NUDCD1: variants seen among roughly 807,000 people sequenced by gnomAD.
NUDCD1 encodes the protein nudC domain-containing protein 1.
NUDCD1 carries 60 observed loss-of-function variants against 67.8 expected under a neutral mutation model. That is an observed-to-expected ratio of 0.88 (90% CI 0.72 to 1.10). The LOEUF (loss-of-function observed/expected upper bound fraction) is 1.10. Among genes scored for constraint, NUDCD1 ranks in the 50% least tolerant of loss-of-function variants. The pLI is 0.00. For missense variants in NUDCD1, 643 were observed against 695.0 expected (o/e 0.93, Z 0.84); for synonymous variants, 244 against 230.8 (o/e 1.06, Z -0.52).
chr8:109,308,826 G>A (rs1224164475), intron 2 of NUDCD1, among the ~76,000 whole-genome samples: 2 of 151,820 alleles, frequency 1.3e-5, no homozygotes, highest in Non-Finnish European at 2.9e-5. Flanking sequence ...AAAAAAATTA[G>A]CCAGGCATGG....
At position 109,293,357 on chromosome 8, in the gene NUDCD1, A is replaced by G; in HGVS notation, c.627T>C (p.Ser209=). The change falls in exon 4 of 10, where the codon AGT becomes AGC. Residue 209 remains serine, a synonymous_variant. Transcript: ENST00000239690. ...CTTTTGTTTTACCTTGATTTTTCTTACTGATAGTGACCCACTCCAGAGAAA... is the reference window on the plus strand; with the variant it reads ...CTTTTGTTTTACCTTGATTTTTCTTGCTGATAGTGACCCACTCCAGAGAAA... ...FYVSLEWVTI[S]KKNQDNKKYE... is the part of the protein sequence containing the mutation. 6.5e-7 allele frequency: 1 copy of G among 1,548,632 alleles called. No homozygotes were observed. Among genetic ancestry groups the G allele is most frequent in the Non-Finnish European group, 8.7e-7 (1 of 1,149,808 alleles).
intron 2 of NUDCD1, among the ~76,000 whole-genome samples, chr8:109,305,593 G>A (rs548860298): frequency 8.3e-4 from 126 of 152,182 alleles, no homozygotes; most frequent in Non-Finnish European, 1.6e-3. Flanking sequence ...CAATCCATTT[G>A]AACTTTTATA....
At chr8:109,253,249 G>A (rs779338065) in intron 8 of NUDCD1, among the ~76,000 whole-genome samples, 9 of 152,204 alleles carry the variant, frequency 5.9e-5, no homozygotes, top group Non-Finnish European at 8.8e-5. Flanking sequence ...TAAGAAGAGA[G>A]GCAGAAGACA....
At chr8:109,273,578 T>C (rs1221505715) in intron 7 of NUDCD1, among the ~76,000 whole-genome samples, 3 of 151,528 alleles carry the variant, frequency 2.0e-5, no homozygotes, top group Non-Finnish European at 4.4e-5. Context: ...AAATAAGAAA[T>C]GGAAAACTGA....
intron 7 of NUDCD1, among the ~76,000 whole-genome samples, chr8:109,271,399 A>T (rs1814154105): frequency 6.6e-6 from 1 of 152,212 alleles, no homozygotes; most frequent in South Asian, 2.1e-4. Context: ...TGAAAGAACC[A>T]CACTGAACTT....
intron 2 of NUDCD1, among the ~76,000 whole-genome samples, chr8:109,312,781 T>C (rs1228333579): frequency 1.3e-5 from 2 of 152,204 alleles, no homozygotes; most frequent in East Asian, 1.9e-4. Context: ...AGGTGTTCTG[T>C]TGAACAGGAA....
intron 2 of NUDCD1, among the ~76,000 whole-genome samples, chr8:109,304,385 G>A (rs938778635): frequency 6.6e-6 from 1 of 151,990 alleles, no homozygotes; most frequent in Non-Finnish European, 1.5e-5. Context: ...GATCACACTT[G>A]GTTTATTGAT....
intron 1 of NUDCD1, among the ~76,000 whole-genome samples, chr8:109,328,922 T>C (rs1392609969): frequency 1.3e-5 from 2 of 152,044 alleles, no homozygotes; most frequent in African/African-American, 2.4e-5. Flanking sequence ...TACCAATCAA[T>C]AGAAGCCAAT....
rs2129853091 is a variant in NUDCD1, at chr8:109,245,339, G to A, written c.1442C>T (p.Ala481Val). ...SKQDDMWEHI[A>V]TFNALGYVQA... ...CTTTATACCTAAAGCATTGAAAGTTGCGATGTGCTCCCACATATCATCTTG... is the reference window on the plus strand; with the variant it reads ...CTTTATACCTAAAGCATTGAAAGTTACGATGTGCTCCCACATATCATCTTG... The change falls in exon 9 of 10, where the codon GCA becomes GTA. Residue 481 changes from alanine (A) to valine (V), a missense_variant. Physicochemically the swap from Ala to Val is moderately conservative, Grantham distance 64. Transcript: ENST00000239690. 1 of 1,613,348 alleles carries A rather than the reference G, an allele frequency of 6.2e-7. No homozygotes were observed. Among genetic ancestry groups the A allele is most frequent in the East Asian group, 2.2e-5 (1 of 44,852 alleles).
At chr8:109,301,161 T>A (rs574097892) in intron 2 of NUDCD1, among the ~76,000 whole-genome samples, 14 of 152,204 alleles carry the variant, frequency 9.2e-5, no homozygotes, top group African/African-American at 3.1e-4. Context: ...CAACTGAAGA[T>A]CCACAAAAGA....
intron 2 of NUDCD1, among the ~76,000 whole-genome samples, chr8:109,304,460 C>T (rs1335065600): frequency 2.0e-5 from 3 of 152,188 alleles, no homozygotes; most frequent in East Asian, 1.9e-4. Flanking sequence ...GTATCTTCCA[C>T]GTCTATCCTT....
intron 8 of NUDCD1, among the ~76,000 whole-genome samples, chr8:109,262,458 C>T (rs1239798971): frequency 6.6e-6 from 1 of 152,178 alleles, no homozygotes; most frequent in Non-Finnish European, 1.5e-5. Flanking sequence ...CCAGAATCCC[C>T]TCACCCATCA....
In NUDCD1 at chr8:109,243,238, G is replaced by A; in HGVS notation, c.1523C>T (p.Ala508Val). The A allele has an allele frequency of 6.2e-7, 1 of 1,610,496 alleles. No homozygotes were observed. Among genetic ancestry groups the A allele is most frequent in the Non-Finnish European group, 8.5e-7 (1 of 1,177,252 alleles). The change falls in exon 10 of 10, where the codon GCA becomes GTA. Residue 508 changes from alanine to valine, a missense_variant. By Grantham distance (64) the Ala-to-Val change is moderately conservative. Transcript: ENST00000239690. The stretch of plus-strand genomic sequence containing the variant: ...TCGACGAAGGCACTCACAAAGGGCT[G>A]CATACGAGTAATTTGGAGCACAGGC... ...FFACAPNYSYAALCECLRRVF... is the reference protein window; with the variant it reads ...FFACAPNYSYVALCECLRRVF...
rs551211452 is a variant in NUDCD1, at chr8:109,324,865, T to G, written c.119-2402A>C. ...ACTTTGGGAGGCCAAGGCGGGCGGATCACGAGGTCAGGAGATTGAGACCAT... is the reference window on the plus strand; with the variant it reads ...ACTTTGGGAGGCCAAGGCGGGCGGAGCACGAGGTCAGGAGATTGAGACCAT... On this transcript the variant is annotated intron_variant, in intron 1 of 9. Transcript: ENST00000239690. Among the ~76,000 whole-genome samples the G allele has an allele frequency of 5.9e-5, 9 of 152,192 alleles. No individual in the cohort carries two copies. The South Asian group carries it at 1.9e-3, about 32-fold the overall frequency.
rs1160814524 is a variant in NUDCD1 at position 109,241,263 on chromosome 8, G to A, written c.*1746C>T. The A allele has an allele frequency of 6.6e-6, 1 of 151,946 alleles. No individual in the cohort carries two copies. The highest frequency in any genetic ancestry group is 1.5e-5 in the Non-Finnish European group (1 of 67,980). The allele number at this position is 151,946 out of a possible 1,614,324, so 9.4% of individuals were successfully genotyped here. A position where few individuals can be genotyped will look rare whatever the true frequency, so the allele number is the denominator to read the frequency against. On this transcript the variant is annotated 3_prime_UTR_variant, in exon 10 of 10. Transcript: ENST00000239690. Reference sequence around the variant, plus strand: ...CAAAGAATATTGATTACTAAAATTGGCAATATATACATAGTCATGGTTAAT... The same window carrying A: ...CAAAGAATATTGATTACTAAAATTGACAATATATACATAGTCATGGTTAAT...
intron 8 of NUDCD1, among the ~76,000 whole-genome samples, chr8:109,248,249 C>T (rs964201457): frequency 5.3e-5 from 8 of 152,052 alleles, no homozygotes; most frequent in African/African-American, 1.7e-4. Context: ...GAATGTAGTC[C>T]CTACAAACCA....
At chr8:109,268,844 G>T (rs908571806) in intron 8 of NUDCD1, among the ~76,000 whole-genome samples, 1 of 152,110 alleles carries the variant, frequency 6.6e-6, no homozygotes, top group African/African-American at 2.4e-5. Flanking sequence ...CTATGTGATA[G>T]CTCTTATTTA....
At chr8:109,311,498 T>G (rs1815246849) in intron 2 of NUDCD1, among the ~76,000 whole-genome samples, 1 of 149,256 alleles carries the variant, frequency 6.7e-6, no homozygotes. Context: ...AATTCACAAC[T>G]GCAAAAAGTG....
At chr8:109,297,048 T>A (rs1244382008) in intron 2 of NUDCD1, among the ~76,000 whole-genome samples, 1 of 152,240 alleles carries the variant, frequency 6.6e-6, no homozygotes. Flanking sequence ...ACCACCCACC[T>A]GAACTACTCC....
Sources: gnomAD v4.1 joint callset for allele counts (sites outside exome capture counted in the v4.1 genomes callset) on GRCh38, gnomAD v4.1.1 for gene constraint, MANE v1.5 for transcripts, NCBI Gene and HGNC (gene_info 2026-07-23, HGNC 2026-07-21) for gene names.